PLCXD1: variants seen among roughly 807,000 people sequenced by gnomAD.
PLCXD1 encodes the protein phosphatidylinositol specific phospholipase C X domain containing 1, also known as PI-PLC X domain-containing protein 1.
A neutral mutation model predicts 37.8 loss-of-function variants in PLCXD1; 45 were observed. That is an observed-to-expected ratio of 1.19 (90% CI 0.94 to 1.53). PLCXD1 has a LOEUF of 1.53. Among genes scored for constraint, PLCXD1 ranks in the 40% most tolerant of loss-of-function variants. The pLI is 0.00. For synonymous variants in PLCXD1, 246 were observed against 206.9 expected (o/e 1.19, Z -1.62); for missense variants, 539 against 454.7 (o/e 1.19, Z -1.69).
chrX:282,884 ATG>A (rs35473588), intron 1 of PLCXD1, among the ~76,000 whole-genome samples: 23,730 of 145,328 alleles, frequency 0.16, 2,315 homozygotes, highest in South Asian at 0.2. Flanking sequence ...TATGTTATGT[ATG>A]TGTTATATAT....
At chrX:285,520 T>G (rs1245648015) in intron 2 of PLCXD1, among the ~76,000 whole-genome samples, 2 of 151,408 alleles carry the variant, frequency 1.3e-5, no homozygotes, top group African/African-American at 4.9e-5. Flanking sequence ...TGTATACACG[T>G]GTACACACGT....
At chrX:283,002 TTATATATGTTA>T (rs1434600127) in intron 1 of PLCXD1, among the ~76,000 whole-genome samples, 4 of 146,784 alleles carry the variant, frequency 2.7e-5, no homozygotes, top group Non-Finnish European at 4.5e-5. Flanking sequence ...TATGTATATA[TTATATATGTTA>T]TATATATGTT....
rs2070044664 is a variant in PLCXD1, at chrX:302,391, A to G, written c.*3056A>G. On this transcript the variant is annotated 3_prime_UTR_variant, in exon 7 of 7. Transcript: ENST00000381657. ...CTAGTTTCAGACGCAGATCCTGCAA[A>G]TACTTTTTTTTGTTTTTTTGAGATG... The G allele has an allele frequency of 6.6e-6, 1 of 151,446 alleles. No homozygotes were observed. The highest frequency in any genetic ancestry group is 2.4e-5 in the African/African-American group (1 of 41,226). The allele number at this position is 151,446 out of a possible 1,614,324, so 9.4% of individuals were successfully genotyped here. A position where few individuals can be genotyped will look rare whatever the true frequency, so the allele number is the denominator to read the frequency against.
At chrX:292,049 C>A (rs968518703) in intron 5 of PLCXD1, among the ~76,000 whole-genome samples, 13 of 152,058 alleles carry the variant, frequency 8.5e-5, no homozygotes, top group Non-Finnish European at 1.9e-4. Context: ...CGCTTGTCAT[C>A]CCAGGACTTT....
At chrX:293,927 G>GA (rs2069719035) in intron 6 of PLCXD1, among the ~76,000 whole-genome samples, 2 of 152,224 alleles carry the variant, frequency 1.3e-5, no homozygotes, top group Non-Finnish European at 2.9e-5. Context: ...AGGACGATGA[G>GA]AATGTTCTGG....
At chrX:276,665 G>C (rs1249605437), upstream of PLCXD1, among the ~76,000 whole-genome samples, 1 of 152,188 alleles carries the variant, frequency 6.6e-6, no homozygotes, top group Admixed American at 6.5e-5. Context: ...CGCGGAGCCA[G>C]TGTGGAAACA....
At position 299,542 on chromosome X, in the gene PLCXD1, G is replaced by A; in HGVS notation, c.*207G>A. ...TGGGAGGCCGAGGTGGGTGGATCAT[G>A]AGGTCAGGAGCTTGAGAGCAGCCTG... On this transcript the variant is annotated 3_prime_UTR_variant, in exon 7 of 7. Transcript: ENST00000381657. The A allele has an allele frequency of 3.3e-6, 2 of 601,314 alleles. No individual in the cohort carries two copies. The highest frequency in any genetic ancestry group is 5.9e-6 in the Non-Finnish European group (2 of 337,196). The allele number at this position is 601,314 out of a possible 1,614,324, so 37.2% of individuals were successfully genotyped here. A position where few individuals can be genotyped will look rare whatever the true frequency, so the allele number is the denominator to read the frequency against.
chrX:276,936 G>A (rs1192953852), upstream of PLCXD1, among the ~76,000 whole-genome samples: 1 of 152,216 alleles, frequency 6.6e-6, no homozygotes, highest in Non-Finnish European at 1.5e-5. Flanking sequence ...CTCAGCGGGC[G>A]GGAAGGTGTA....
upstream of PLCXD1, among the ~76,000 whole-genome samples, chrX:279,574 C>T (rs1425722695): frequency 1.3e-5 from 2 of 152,092 alleles, no homozygotes; most frequent in Admixed American, 1.3e-4. Context: ...GAGTTCGAGA[C>T]CAGCCTGGCC....
chrX:293,436 C>T (rs2069703529), intron 6 of PLCXD1, among the ~76,000 whole-genome samples: 1 of 152,152 alleles, frequency 6.6e-6, no homozygotes, highest in African/African-American at 2.4e-5. Flanking sequence ...CCAGCCTGGC[C>T]AACATAGTGA....
intron 3 of PLCXD1, 27 bp downstream of exon 3, chrX:288,896 C>A (rs1374522123): frequency 1.9e-5 from 30 of 1,609,274 alleles, no homozygotes; most frequent in Non-Finnish European, 2.5e-5. Context: ...GTGCTGCTGA[C>A]CTGGCCTGTC....
rs773166585 is a variant in PLCXD1 at position 293,048 on chromosome X, T to C, written c.563T>C (p.Leu188Pro). The C allele has an allele frequency of 5.0e-6, 8 of 1,607,982 alleles. No homozygotes were observed. The African/African-American group carries it at 6.7e-5, about 13-fold the overall frequency. Residue 188 changes from leucine to proline, a missense_variant, in exon 6 of 7, where the codon CTG (leucine) becomes CCG (proline). Physicochemically the swap from Leu to Pro is moderately conservative, Grantham distance 98. Transcript: ENST00000381657. ...MLCPRGEVPT[L>P]RQLWSRGQQV... Reference sequence around the variant, plus strand: ...GGTCCTTTGCAGGAGGTGCCGACACTGCGGCAGCTGTGGTCCCGGGGCCAA... The same window carrying C: ...GGTCCTTTGCAGGAGGTGCCGACACCGCGGCAGCTGTGGTCCCGGGGCCAA...
At chrX:293,979 A>AT (rs1220165022) in intron 6 of PLCXD1, among the ~76,000 whole-genome samples, 1 of 151,996 alleles carries the variant, frequency 6.6e-6, no homozygotes, top group Non-Finnish European at 1.5e-5. Flanking sequence ...AATCCACTTT[A>AT]TTTTTTTTAG....
chrX:285,135 T>A (rs758043433), intron 2 of PLCXD1, among the ~76,000 whole-genome samples: 1 of 151,482 alleles, frequency 6.6e-6, no homozygotes, highest in Non-Finnish European at 1.5e-5. Context: ...CGCACACACA[T>A]ACATGCATGC....
intron 2 of PLCXD1, among the ~76,000 whole-genome samples, chrX:284,949 G>A (rs544699424): frequency 7.9e-5 from 12 of 152,200 alleles, no homozygotes; most frequent in African/African-American, 2.2e-4. Context: ...GGAAAGACCC[G>A]CCCCGTGATT....
chrX:296,681 A>C (rs983123407), intron 6 of PLCXD1, among the ~76,000 whole-genome samples: 3 of 152,216 alleles, frequency 2.0e-5, no homozygotes, highest in Non-Finnish European at 4.4e-5. Context: ...TATAAGCCTC[A>C]TAAGAGATGG....
At chrX:280,295 G>GGGGAGGCCGTGCAGGGGGAA (rs2069235858), upstream of PLCXD1, among the ~76,000 whole-genome samples, 2 of 137,830 alleles carry the variant, frequency 1.5e-5, no homozygotes, top group Non-Finnish European at 3.2e-5. Flanking sequence ...TGCAGGAGGA[G>GGGGAGGCCGTGCAGGGGGAA]GGGAGGCCGT....
chrX:289,993 T>C (rs2069577247), intron 3 of PLCXD1, among the ~76,000 whole-genome samples: 1 of 151,988 alleles, frequency 6.6e-6, no homozygotes, highest in South Asian at 2.1e-4. Context: ...AGTCTCGCTC[T>C]CTCACCCAGA....
At position 283,564 on chromosome X, in the gene PLCXD1, T is replaced by TGGTGTCAGGCCCGGGTGGGGGCGGCCG. The variant is rs1569564380; in HGVS notation, c.-21-603_-21-602insGGTGTCAGGCCCGGGTGGGGGCGGCCG. 2.9e-3 allele frequency: 201 copies of TGGTGTCAGGCCCGGGTGGGGGCGGCCG among 70,130 alleles called. 10 individuals are homozygous for TGGTGTCAGGCCCGGGTGGGGGCGGCCG. Among genetic ancestry groups the TGGTGTCAGGCCCGGGTGGGGGCGGCCG allele is most frequent in the African/African-American group, 8.7e-3 (191 of 21,964 alleles). The allele number at this position is 70,130 out of a possible 1,614,324, so 4.3% of individuals were successfully genotyped here. The stretch of plus-strand genomic sequence containing the variant: ...GTGTCAGGCCCGGGTGGGGGCGGCC[T>TGGTGTCAGGCCCGGGTGGGGGCGGCCG]TGGTGTCAGGCCCGGGTGGGGGCGG... On this transcript the variant is annotated intron_variant, in intron 1 of 6. Coordinates refer to ENST00000381657, the MANE Select transcript of PLCXD1 (RefSeq NM_018390.4).
Sources: gnomAD v4.1 joint callset for allele counts (sites outside exome capture counted in the v4.1 genomes callset) on GRCh38, gnomAD v4.1.1 for gene constraint, MANE v1.5 for transcripts, NCBI Gene and HGNC (gene_info 2026-07-23, HGNC 2026-07-21) for gene names.